NRG1: variants seen among roughly 807,000 people sequenced by gnomAD.
The protein encoded by NRG1 is neuregulin 1, also known as pro-neuregulin-1, membrane-bound isoform.
In NRG1, 18 loss-of-function variants were observed where a neutral mutation model predicts 63.8. The ratio of observed to expected loss-of-function variants is 0.28; its 90% CI spans 0.19 to 0.42. The LOEUF (loss-of-function observed/expected upper bound fraction) is 0.42. Ranked by LOEUF, NRG1 falls within the 10% of genes least tolerant of loss-of-function variation. The pLI is 1.00. For missense variants in NRG1, 762 were observed against 814.7 expected, an observed-to-expected ratio of 0.94 and a Z score of 0.79; for synonymous variants, 302 against 301.3, an observed-to-expected ratio of 1.00 and a Z score of -0.02.
intron 1 of NRG1, among the ~76,000 whole-genome samples, chr8:32,305,960 T>C (rs1332038003): frequency 6.6e-6 from 1 of 152,222 alleles, no homozygotes; most frequent in African/African-American, 2.4e-5. Context: ...TCTCTGAGCC[T>C]CTTTTCTTTC....
intron 1 of NRG1, among the ~76,000 whole-genome samples, chr8:31,684,266 G>A (rs558183709): frequency 2.8e-4 from 43 of 152,274 alleles, no homozygotes; most frequent in Non-Finnish European, 5.9e-4. Flanking sequence ...AAGAGGTGGG[G>A]CATTTAGGAG....
intron 1 of NRG1, among the ~76,000 whole-genome samples, chr8:31,797,673 A>ATTAT (rs1438693172): frequency 6.6e-6 from 1 of 152,178 alleles, no homozygotes; most frequent in Non-Finnish European, 1.5e-5. Flanking sequence ...TTACAGCACT[A>ATTAT]TTATTTATTT....
intron 11 of NRG1, among the ~76,000 whole-genome samples, chr8:32,762,857 G>A (rs1339761915): frequency 6.6e-6 from 1 of 152,222 alleles, no homozygotes; most frequent in Admixed American, 6.5e-5. Flanking sequence ...GGTGAAAACA[G>A]TGTGCTCGGT....
At chr8:32,385,898 T>G (rs1304975041) in intron 1 of NRG1, among the ~76,000 whole-genome samples, 1 of 152,200 alleles carries the variant, frequency 6.6e-6, no homozygotes, top group East Asian at 1.9e-4. Flanking sequence ...TGCTGTCAGA[T>G]AAGAGAATCA....
At position 32,528,896 on chromosome 8, in the gene NRG1, T is replaced by A. The variant is rs562093264; in HGVS notation, c.38-66932T>A. ...CCTGGACTCAATTTGAATAAAAACA[T>A]AGGAACCAAATTCCTCCACTAAATA... is the stretch of plus-strand genomic sequence containing the variant. On this transcript the variant is annotated intron_variant, in intron 1 of 10. Transcript: ENST00000519301. 3.3e-5 allele frequency among the ~76,000 whole-genome samples: 5 copies of A among 152,306 alleles called. No individual in the cohort carries two copies. The East Asian group carries it at 9.6e-4, about 29-fold the overall frequency.
intron 1 of NRG1, among the ~76,000 whole-genome samples, chr8:31,941,758 G>A (rs1389715122): frequency 1.3e-5 from 2 of 152,026 alleles, no homozygotes; most frequent in Non-Finnish European, 2.9e-5. Context: ...CAACCAAGCT[G>A]AGAATCAAAT....
intron 1 of NRG1, among the ~76,000 whole-genome samples, chr8:32,409,967 C>A (rs1476577592): frequency 6.6e-6 from 1 of 152,080 alleles, no homozygotes; most frequent in Non-Finnish European, 1.5e-5. Flanking sequence ...ATCGTTATCT[C>A]TGCATTCTGC....
At chr8:31,753,011 T>C (rs1816637474) in intron 1 of NRG1, among the ~76,000 whole-genome samples, 1 of 152,088 alleles carries the variant, frequency 6.6e-6, no homozygotes. Flanking sequence ...AGCAATTTAT[T>C]GGTTCTTTCT....
In NRG1 at chr8:32,697,519, T is replaced by C. The variant is rs890222225; in HGVS notation, c.503-30430T>C. 8.5e-5 allele frequency among the ~76,000 whole-genome samples: 13 copies of C among 152,238 alleles called. No homozygotes were observed. The East Asian group carries it at 2.5e-3, about 29-fold the overall frequency. On this transcript the variant is annotated intron_variant, in intron 5 of 11. Coordinates refer to ENST00000356819, the Ensembl canonical transcript of NRG1. ...GGACCATCTTCAAGTGTCTACAGTC[T>C]TTCCTGGGGCTGGTATGGTGCTCCA...
rs1324317047 is a variant in NRG1 at position 31,677,978 on chromosome 8, CTTATTT to C, written c.37+38552_37+38557del. Among the ~76,000 whole-genome samples the C allele has an allele frequency of 2.6e-5, 4 of 151,298 alleles. No homozygotes were observed. In the East Asian group the frequency reaches 7.8e-4, roughly 30 times the overall value. On this transcript the variant is annotated intron_variant, in intron 1 of 10. Transcript: ENST00000519301. The stretch of plus-strand genomic sequence containing the variant: ...ATCTTTTATTCATCTATGTACTGCA[CTTATTT>C]TTATAAGTTCATCTGATTCTTCAGC...
intron 1 of NRG1, among the ~76,000 whole-genome samples, chr8:31,910,972 A>G (rs1390502344): frequency 6.6e-6 from 1 of 152,132 alleles, no homozygotes; most frequent in East Asian, 1.9e-4. Flanking sequence ...AGGAGTGTGA[A>G]GTACTTTCTT....
At chr8:31,919,420 C>T (rs1238755823) in intron 1 of NRG1, among the ~76,000 whole-genome samples, 36 of 149,816 alleles carry the variant, frequency 2.4e-4, no homozygotes, top group African/African-American at 8.8e-4. Context: ...TTCAATTTAG[C>T]ATTGAAATAT....
intron 1 of NRG1, among the ~76,000 whole-genome samples, chr8:32,471,609 C>G (rs953888527): frequency 6.6e-6 from 1 of 151,910 alleles, no homozygotes; most frequent in African/African-American, 2.4e-5. Context: ...TTAAACAAAG[C>G]CTTACGTATT....
chr8:32,713,198 C>T (rs1818243407), intron 5 of NRG1, among the ~76,000 whole-genome samples: 1 of 152,148 alleles, frequency 6.6e-6, no homozygotes, highest in African/African-American at 2.4e-5. Flanking sequence ...CATATTGCTG[C>T]TATGATAGTC....
intron 1 of NRG1, among the ~76,000 whole-genome samples, chr8:32,476,789 A>G (rs2129491964): frequency 6.6e-6 from 1 of 152,284 alleles, no homozygotes; most frequent in East Asian, 1.9e-4. Flanking sequence ...CTTAAGCTCC[A>G]AACTGAATTT....
intron 1 of NRG1, among the ~76,000 whole-genome samples, chr8:32,535,892 T>G (rs1430977936): frequency 6.6e-6 from 1 of 152,160 alleles, no homozygotes; most frequent in African/African-American, 2.4e-5. Context: ...GTAAAATGCC[T>G]GCCCAAATCC....
intron 4 of NRG1, 51 bp from the exon 5 acceptor site, chr8:32,616,784 G>A (rs1563776040): frequency 6.8e-7 from 1 of 1,464,458 alleles, no homozygotes; most frequent in Non-Finnish European, 9.6e-7. Flanking sequence ...TAATTTATGA[G>A]TCCAAGCAGC....
chr8:32,485,317 G>T (rs1825777361), intron 1 of NRG1, among the ~76,000 whole-genome samples: 1 of 151,526 alleles, frequency 6.6e-6, no homozygotes, highest in East Asian at 2.0e-4. Flanking sequence ...TGTTGGTCAG[G>T]CTGGTCTCCA....
chr8:32,363,832 G>T (rs1448045057), intron 1 of NRG1, among the ~76,000 whole-genome samples: 1 of 152,064 alleles, frequency 6.6e-6, no homozygotes, highest in African/African-American at 2.4e-5. Context: ...ATAAATGATT[G>T]CCAGGGGTTG....
Sources: allele counts gnomAD v4.1 joint callset (sites outside exome capture counted in the v4.1 genomes callset), GRCh38; gene constraint gnomAD v4.1.1; transcripts MANE v1.5; gene names NCBI Gene and HGNC (gene_info 2026-07-23, HGNC 2026-07-21).